Variants in FRMD4A observed in about 807,000 individuals in gnomAD.
The protein encoded by FRMD4A is FERM domain-containing protein 4A.
Under a neutral mutation model 129.1 loss-of-function variants are expected in FRMD4A, and 29 were observed. The observed-to-expected ratio is 0.22, with a 90% CI of 0.17 to 0.31. FRMD4A has a LOEUF of 0.31. Ranked by LOEUF, FRMD4A falls within the 10% of genes least tolerant of loss-of-function variation. The pLI, the probability that FRMD4A is intolerant of heterozygous loss-of-function variation, is 1.00. For missense variants in FRMD4A, 1,272 were observed against 1,375.8 expected, an observed-to-expected ratio of 0.92 and a Z score of 1.19; for synonymous variants, 634 against 571.6, an observed-to-expected ratio of 1.11 and a Z score of -1.56.
chr10:13,694,703 G>A (rs573851893), intron 14 of FRMD4A, among the ~76,000 whole-genome samples: 17 of 152,274 alleles, frequency 1.1e-4, no homozygotes, highest in African/African-American at 3.6e-4. Flanking sequence ...TTAGCCAGGT[G>A]TGGTAGTGCA....
At chr10:14,109,472 T>C (rs1308119152) in intron 2 of FRMD4A, among the ~76,000 whole-genome samples, 1 of 152,202 alleles carries the variant, frequency 6.6e-6, no homozygotes, top group Non-Finnish European at 1.5e-5. Flanking sequence ...AGTTGTTTCT[T>C]TTAAAGGACA....
At chr10:14,309,682 C>T (rs1846473328) in intron 2 of FRMD4A, among the ~76,000 whole-genome samples, 1 of 152,042 alleles carries the variant, frequency 6.6e-6, no homozygotes, top group African/African-American at 2.4e-5. Context: ...CTCCTGCCTC[C>T]ATATCTAACA....
intron 2 of FRMD4A, among the ~76,000 whole-genome samples, chr10:14,091,794 AT>A (rs1248405639): frequency 6.6e-6 from 1 of 152,252 alleles, no homozygotes; most frequent in Non-Finnish European, 1.5e-5. Flanking sequence ...GAGGAAACCA[AT>A]AGAAGCTTGG....
chr10:14,031,269 AT>A (rs11344544), intron 2 of FRMD4A, among the ~76,000 whole-genome samples: 69,765 of 142,998 alleles, frequency 0.49, 18,546 homozygotes, highest in East Asian at 0.81. Flanking sequence ...TTTTATAGAC[AT>A]TTTTTTTTTT....
intron 2 of FRMD4A, among the ~76,000 whole-genome samples, chr10:14,019,256 GA>G (rs1235541940): frequency 2.0e-5 from 3 of 152,154 alleles, no homozygotes; most frequent in African/African-American, 7.2e-5. Flanking sequence ...AGTATCTGAT[GA>G]ATTTACCAAA....
chr10:14,057,573 C>CTT lies in FRMD4A; in HGVS notation c.46-198663_46-198662dup, dbSNP rs141521346. ...CCTATCTACTGTGTGAATTTATAAT[C>CTT]TTTTTTTTTTTTTCGAGATGGAGAT... On this transcript the variant is annotated intron_variant, in intron 2 of 24. Transcript: ENST00000357447. Among the ~76,000 whole-genome samples the CTT allele has an allele frequency of 5.6e-3, 504 of 89,996 alleles. 1 individual carries two copies. The highest frequency in any genetic ancestry group is 0.049 in the Middle Eastern group (8 of 164). 59.0% of individuals were successfully genotyped at this position (89,996 alleles called of 152,430 possible).
chr10:14,016,276 C>T (rs1008385083), intron 2 of FRMD4A, among the ~76,000 whole-genome samples: 2 of 152,176 alleles, frequency 1.3e-5, no homozygotes, highest in Non-Finnish European at 2.9e-5. Flanking sequence ...GCATCAATCA[C>T]TCAATCTTCA....
intron 2 of FRMD4A, among the ~76,000 whole-genome samples, chr10:14,110,125 T>TTAAAAAAAA (rs372420987): frequency 0.015 from 1,377 of 89,486 alleles, 288 homozygotes; most frequent in Middle Eastern, 0.069. Context: ...CGAGATGCTG[T>TTAAAAAAAA]AAAAAAAAAA....
At chr10:14,098,939 C>A (rs1588971833) in intron 2 of FRMD4A, among the ~76,000 whole-genome samples, 1 of 152,208 alleles carries the variant, frequency 6.6e-6, no homozygotes, top group Non-Finnish European at 1.5e-5. Context: ...AGTGGTAGGA[C>A]CTTGGACTAC....
chr10:13,794,845 C>T (rs1208674844), intron 5 of FRMD4A, among the ~76,000 whole-genome samples: 1 of 152,168 alleles, frequency 6.6e-6, no homozygotes, highest in Non-Finnish European at 1.5e-5. Flanking sequence ...TCCCATTCCC[C>T]AATTCTCTCT....
intron 2 of FRMD4A, among the ~76,000 whole-genome samples, chr10:14,157,691 T>C (rs933794484): frequency 2.0e-5 from 3 of 152,188 alleles, no homozygotes; most frequent in Non-Finnish European, 4.4e-5. Context: ...AGGTGAATCT[T>C]AGTCTTCTAT....
intron 2 of FRMD4A, among the ~76,000 whole-genome samples, chr10:14,154,945 T>A (rs1000775428): frequency 6.6e-6 from 1 of 152,226 alleles, no homozygotes; most frequent in Non-Finnish European, 1.5e-5. Flanking sequence ...AGTACTCAAC[T>A]ATGAAGTGGT....
intron 2 of FRMD4A, among the ~76,000 whole-genome samples, chr10:13,881,603 G>A (rs944493700): frequency 6.6e-6 from 1 of 152,138 alleles, no homozygotes; most frequent in African/African-American, 2.4e-5. Flanking sequence ...GTCAAAAAAG[G>A]AGAAATCACA....
At chr10:14,150,592 C>G (rs1318994168) in intron 2 of FRMD4A, among the ~76,000 whole-genome samples, 1 of 152,168 alleles carries the variant, frequency 6.6e-6, no homozygotes, top group Non-Finnish European at 1.5e-5. Flanking sequence ...AAAGATTTCA[C>G]TCAGAATGGA....
At chr10:14,012,504 G>A (rs913724939) in intron 2 of FRMD4A, among the ~76,000 whole-genome samples, 1 of 152,178 alleles carries the variant, frequency 6.6e-6, no homozygotes, top group Non-Finnish European at 1.5e-5. Context: ...AGGGGTGGCG[G>A]GAATGGGGGG....
chr10:13,947,507 C>A (rs2095340491), intron 2 of FRMD4A, among the ~76,000 whole-genome samples: 1 of 151,968 alleles, frequency 6.6e-6, no homozygotes, highest in African/African-American at 2.4e-5. Context: ...AAACCAAGAT[C>A]TGTGGTCATA....
intron 2 of FRMD4A, among the ~76,000 whole-genome samples, chr10:14,095,578 G>C (rs371047223): frequency 6.6e-6 from 1 of 152,162 alleles, no homozygotes. Context: ...ACTTCTAAAC[G>C]CACTCTCAAC....
chr10:13,775,358 G>T (rs1241466920), intron 6 of FRMD4A, among the ~76,000 whole-genome samples: 1 of 152,208 alleles, frequency 6.6e-6, no homozygotes, highest in East Asian at 1.9e-4. Context: ...GAGCCCAAGG[G>T]GGTGTCACAT....
At chr10:14,307,097 C>T (rs950967683) in intron 2 of FRMD4A, among the ~76,000 whole-genome samples, 2 of 152,210 alleles carry the variant, frequency 1.3e-5, no homozygotes, top group African/African-American at 2.4e-5. Flanking sequence ...CATGTATTAG[C>T]CATTAATATT....
Sources: allele counts gnomAD v4.1 joint callset (sites outside exome capture counted in the v4.1 genomes callset), GRCh38; gene constraint gnomAD v4.1.1; transcripts MANE v1.5; gene names NCBI Gene and HGNC (gene_info 2026-07-23, HGNC 2026-07-21).